Variants in ZNF771 observed in about 807,000 individuals in gnomAD.
ZNF771 encodes zinc finger protein 771, also known as mesenchymal stem cell protein DSC43.
In ZNF771, 10 loss-of-function variants were observed where a neutral mutation model predicts 27.6. The observed-to-expected ratio is 0.36, with a 90% CI of 0.22 to 0.61. The LOEUF is 0.61. Ranked by LOEUF, ZNF771 falls within the 20% of genes least tolerant of loss-of-function variation. The pLI is 0.70. For synonymous variants in ZNF771, 261 were observed against 225.2 expected (o/e 1.16, Z -1.43); for missense variants, 438 against 503.7 (o/e 0.87, Z 1.25).
chr16:30,407,691 T>G, intron 1 of ZNF771, 27 bp downstream of exon 1: 2 of 167,874 alleles, frequency 1.2e-5, no homozygotes. Context: ...TCCCCGGGGT[T>G]TCCGCCCCGA....
chr16:30,410,238 G>A (rs2050096641), intron 2 of ZNF771, among the ~76,000 whole-genome samples: 1 of 152,022 alleles, frequency 6.6e-6, no homozygotes, highest in South Asian at 2.1e-4. Flanking sequence ...GAGTAGCTGG[G>A]ATTATAGGTG....
Position 30,417,966 on chromosome 16 carries a change from G to A in ZNF771, c.553G>A (p.Gly185Ser). ...GTGCCCGGACTGCGGACGCGCCTTT[G>A]GCGGCAGCTCGTGCCTGGCGCGCCA... is the stretch of plus-strand genomic sequence containing the variant. ...YACPDCGRAF[G>S]GSSCLARHRR... The change falls in exon 3 of 3, where the codon GGC (glycine) becomes AGC (serine). Residue 185 changes from glycine to serine, a missense_variant. Gly to Ser is a moderately conservative substitution (Grantham distance 56). Around this residue, in one of 3 missense-constraint regions of ZNF771, gnomAD observed 305 missense variants for 308.0 expected, o/e 0.99. Transcript: ENST00000319296. The A allele has an allele frequency of 6.7e-7, 1 of 1,497,466 alleles. No individual in the cohort carries two copies. The highest frequency in any genetic ancestry group is 8.8e-7 in the Non-Finnish European group (1 of 1,133,084). 92.8% of individuals were successfully genotyped at this position (1,497,466 alleles called of 1,614,324 possible).
chr16:30,412,258 A>G (rs1022776154), intron 2 of ZNF771, among the ~76,000 whole-genome samples: 1 of 152,232 alleles, frequency 6.6e-6, no homozygotes, highest in South Asian at 2.1e-4. Flanking sequence ...TCTTGTTAAA[A>G]TGAGGATTTT....
chr16:30,413,468 T>G, intron 2 of ZNF771: 1 of 263,840 alleles, frequency 3.8e-6, no homozygotes, highest in Non-Finnish European at 7.9e-6. Flanking sequence ...TGTGATATCT[T>G]GTTTTTTAAA....
Position 30,418,237 on chromosome 16 carries a change from T to C in ZNF771, c.824T>C (p.Ile275Thr). ...CGCTTCCGCCTAAGCTCGCACTTCA[T>C]TCGCCACCGACGCGCGCACATGCGG... ...GRRFRLSSHF[I>T]RHRRAHMRRR... The change falls in exon 3 of 3, where the codon ATT (isoleucine) becomes ACT (threonine). Residue 275 changes from isoleucine to threonine, a missense_variant. Coordinates refer to ENST00000319296, the MANE Select transcript of ZNF771 (RefSeq NM_001142305.2). 1 of 1,516,042 alleles carries C rather than the reference T, an allele frequency of 6.6e-7. No individual in the cohort carries two copies. The highest frequency in any genetic ancestry group is 8.8e-7 in the Non-Finnish European group (1 of 1,138,910). 93.9% of individuals were successfully genotyped at this position (1,516,042 alleles called of 1,614,324 possible).
At chr16:30,416,444 G>A (rs971062704) in intron 2 of ZNF771, among the ~76,000 whole-genome samples, 5 of 152,098 alleles carry the variant, frequency 3.3e-5, no homozygotes, top group Non-Finnish European at 7.4e-5. Context: ...CAGTTGCTAA[G>A]CTCAAAAACC....
rs1225776271 is a variant in ZNF771 at position 30,418,315 on chromosome 16, G to T, written c.902G>T (p.Gly301Val). Residue 301 changes from glycine (G) to valine (V), a missense_variant, in exon 3 of 3, where the codon GGC becomes GTC. Gly to Val is a moderately radical substitution (Grantham distance 109). Around this residue, in one of 3 missense-constraint regions of ZNF771, gnomAD observed 305 missense variants for 308.0 expected, o/e 0.99. Coordinates refer to ENST00000319296, the MANE Select transcript of ZNF771 (RefSeq NM_001142305.2). ...GCGRDFKLPP[G>V]ATAATATERC... is the part of the protein sequence containing the mutation. Reference sequence around the variant, plus strand: ...GGCAGGGACTTCAAGCTGCCCCCTGGCGCCACGGCCGCCACTGCCACCGAG... The same window carrying T: ...GGCAGGGACTTCAAGCTGCCCCCTGTCGCCACGGCCGCCACTGCCACCGAG... 5.4e-6 allele frequency: 8 copies of T among 1,487,244 alleles called. No individual in the cohort carries two copies. The highest frequency in any genetic ancestry group is 6.2e-6 in the Non-Finnish European group (7 of 1,122,838). The allele number at this position is 1,487,244 out of a possible 1,614,324, so 92.1% of individuals were successfully genotyped here.
At chr16:30,411,165 A>G (rs767501613) in intron 2 of ZNF771, among the ~76,000 whole-genome samples, 4 of 152,010 alleles carry the variant, frequency 2.6e-5, no homozygotes, top group Non-Finnish European at 5.9e-5. Context: ...CTAAAAATAC[A>G]AAAATTAGCC....
In ZNF771 at chr16:30,418,447, G is replaced by T; in HGVS notation, c.*80G>T. On this transcript the variant is annotated 3_prime_UTR_variant, in exon 3 of 3. Transcript: ENST00000319296. Reference sequence around the variant, plus strand: ...CAGGCTCCTCCTCGCCCCGGCCTCCGGGTCTGGGAAATTGAGGGGACGGCA... The same window carrying T: ...CAGGCTCCTCCTCGCCCCGGCCTCCTGGTCTGGGAAATTGAGGGGACGGCA... 7.6e-7 allele frequency: 1 copy of T among 1,321,824 alleles called. No homozygotes were observed. 81.9% of individuals were successfully genotyped at this position (1,321,824 alleles called of 1,614,324 possible). A position where few individuals can be genotyped will look rare whatever the true frequency, so the allele number is the denominator to read the frequency against.
At chr16:30,410,944 T>C (rs1156321877) in intron 2 of ZNF771, among the ~76,000 whole-genome samples, 2 of 148,572 alleles carry the variant, frequency 1.3e-5, no homozygotes, top group Non-Finnish European at 3.0e-5. Context: ...GGCTGAATGA[T>C]CCCAGGAGTT....
intron 2 of ZNF771, 40 bp downstream of exon 2, chr16:30,408,234 C>T (rs1475461336): frequency 6.2e-7 from 1 of 1,612,832 alleles, no homozygotes; most frequent in East Asian, 2.2e-5. Context: ...TGTCCCCAAA[C>T]CTGGTCCAGG....
rs1597033044 is a variant in ZNF771 at position 30,417,582 on chromosome 16, G to A, written c.169G>A (p.Ala57Thr). Residue 57 changes from alanine to threonine, a missense_variant, in exon 3 of 3, where the codon GCC (alanine) becomes ACC (threonine). Ala to Thr is a moderately conservative substitution (Grantham distance 58). Coordinates refer to ENST00000319296, the MANE Select transcript of ZNF771 (RefSeq NM_001142305.2). ...CCCGGGCGAGGCGCCCGCGCCGTCC[G>A]CCGACCCGGCGCGTCCCCACGCGTG... ...EVPGEAPAPS[A>T]DPARPHACPD... 11 of 1,231,172 alleles carry A rather than the reference G, an allele frequency of 8.9e-6. No homozygotes were observed. The highest frequency in any genetic ancestry group is 1.6e-5 in the African/African-American group (1 of 63,864). 76.3% of individuals were successfully genotyped at this position (1,231,172 alleles called of 1,614,324 possible).
intron 2 of ZNF771, among the ~76,000 whole-genome samples, chr16:30,414,866 C>T (rs369373334): frequency 1.1e-4 from 17 of 148,072 alleles, no homozygotes; most frequent in Middle Eastern, 3.5e-3. Context: ...AGGATGGTCT[C>T]GATCTCCTGA....
At chr16:30,409,745 G>A (rs1055153661) in intron 2 of ZNF771, among the ~76,000 whole-genome samples, 1 of 152,126 alleles carries the variant, frequency 6.6e-6, no homozygotes, top group African/African-American at 2.4e-5. Context: ...GGCCCCCTTC[G>A]CCCATTATCC....
In ZNF771 at chr16:30,418,091, G is replaced by C; in HGVS notation, c.678G>C (p.Thr226=). The C allele has an allele frequency of 2.0e-6, 3 of 1,479,300 alleles. No individual in the cohort carries two copies. The allele number at this position is 1,479,300 out of a possible 1,614,324, so 91.6% of individuals were successfully genotyped here. A position where few individuals can be genotyped will look rare whatever the true frequency, so the allele number is the denominator to read the frequency against. Residue 226 remains threonine (T), a synonymous_variant, in exon 3 of 3, where the codon ACG becomes ACC. Transcript: ENST00000319296. ...SALAKHRRVH[T]GEKPHRCAVC... ...TGGCCAAGCACCGGCGCGTGCACAC[G>C]GGCGAGAAGCCGCACCGCTGCGCTG... is the stretch of plus-strand genomic sequence containing the variant.
At chr16:30,414,944 C>CCCT (rs2050125572) in intron 2 of ZNF771, among the ~76,000 whole-genome samples, 1 of 100,804 alleles carries the variant, frequency 9.9e-6, no homozygotes, top group Non-Finnish European at 2.0e-5. Context: ...CGCGCCCGGC[C>CCCT]TCTTTTTTTT....
intron 1 of ZNF771, 79 bp from the exon 2 acceptor site, chr16:30,407,966 C>G (rs1277005576): frequency 3.7e-6 from 4 of 1,095,084 alleles, no homozygotes; most frequent in Non-Finnish European, 4.9e-6. Flanking sequence ...CACTGCCTTG[C>G]TGGGCCAGGG....
chr16:30,410,854 TA>T (rs2050100166), intron 2 of ZNF771, among the ~76,000 whole-genome samples: 1 of 37,686 alleles, frequency 2.7e-5, no homozygotes, highest in African/African-American at 1.3e-4. Context: ...ACCTCATCTC[TA>T]CAAAAAAAAA....
At position 30,418,316 on chromosome 16, in the gene ZNF771, C is replaced by G. The variant is rs940620078; in HGVS notation, c.903C>G (p.Gly301=). 1.3e-6 allele frequency: 2 copies of G among 1,482,444 alleles called. No individual in the cohort carries two copies. The highest frequency in any genetic ancestry group is 1.8e-6 in the Non-Finnish European group (2 of 1,120,202). 91.8% of individuals were successfully genotyped at this position (1,482,444 alleles called of 1,614,324 possible). A position where few individuals can be genotyped will look rare whatever the true frequency, so the allele number is the denominator to read the frequency against. Residue 301 remains glycine (G), a synonymous_variant, in exon 3 of 3, where the codon GGC becomes GGG. Coordinates refer to ENST00000319296, the MANE Select transcript of ZNF771 (RefSeq NM_001142305.2). ...GCAGGGACTTCAAGCTGCCCCCTGGCGCCACGGCCGCCACTGCCACCGAGC... is the reference window on the plus strand; with the variant it reads ...GCAGGGACTTCAAGCTGCCCCCTGGGGCCACGGCCGCCACTGCCACCGAGC... ...GCGRDFKLPP[G]ATAATATERC... is the part of the protein sequence containing the mutation.
Sources: allele counts gnomAD v4.1 joint callset (sites outside exome capture counted in the v4.1 genomes callset), GRCh38; gene constraint gnomAD v4.1.1; regional missense constraint gnomAD v4.1.1; transcripts MANE v1.5; gene names NCBI Gene and HGNC (gene_info 2026-07-23, HGNC 2026-07-21).